Variants in FOXN3 observed in about 807,000 individuals in gnomAD.
FOXN3 encodes forkhead box protein N3.
Under a neutral mutation model 38.4 loss-of-function variants are expected in FOXN3, and 7 were observed. The observed-to-expected ratio is 0.18, with a 90% CI of 0.10 to 0.34. The LOEUF is 0.34. Among genes scored for constraint, FOXN3 ranks in the 10% least tolerant of loss-of-function variants. The pLI, the probability that FOXN3 is intolerant of heterozygous loss-of-function variation, is 1.00. For missense variants in FOXN3, 456 were observed against 613.4 expected, an observed-to-expected ratio of 0.74 and a Z score of 2.71; for synonymous variants, 230 against 242.2, an observed-to-expected ratio of 0.95 and a Z score of 0.47.
In FOXN3 at chr14:89,161,849, T is replaced by C. The variant is rs1408356704; in HGVS notation, c.*565A>G. ...TCGCCGTGTGACAATTCCAGTGGCT[T>C]TCCTGGCACCATCAGATGCCTGGTG... On this transcript the variant is annotated 3_prime_UTR_variant, in exon 6 of 6. Transcript: ENST00000557258. 3.9e-5 allele frequency: 6 copies of C among 152,272 alleles called. No individual in the cohort carries two copies. Among genetic ancestry groups the C allele is most frequent in the African/African-American group, 1.4e-4 (6 of 41,426 alleles). 9.4% of individuals were successfully genotyped at this position (152,272 alleles called of 1,614,324 possible). A position where few individuals can be genotyped will look rare whatever the true frequency, so the allele number is the denominator to read the frequency against.
chr14:89,235,487 T>C (rs1884952432), intron 4 of FOXN3, among the ~76,000 whole-genome samples: 1 of 152,148 alleles, frequency 6.6e-6, no homozygotes, highest in Non-Finnish European at 1.5e-5. Context: ...GCCCAGCAGG[T>C]CTTTGGAACT....
rs35623770 is a variant in FOXN3, at chr14:89,374,263, CAAAAA to C, written c.544-23460_544-23456del. 7.2e-3 allele frequency among the ~76,000 whole-genome samples: 347 copies of C among 48,152 alleles called. 1 individual carries two copies. Among genetic ancestry groups the C allele is most frequent in the African/African-American group, 0.025 (317 of 12,474 alleles). The allele number at this position is 48,152 out of a possible 152,430, so 31.6% of individuals were successfully genotyped here. A position where few individuals can be genotyped will look rare whatever the true frequency, so the allele number is the denominator to read the frequency against. On this transcript the variant is annotated intron_variant, in intron 2 of 5. Transcript: ENST00000557258. ...AGGGCAACAGAGTGAGACCTTGTCT[CAAAAA>C]AAAAAAAAAAAAAAAAAAAAAAGAA... is the stretch of plus-strand genomic sequence containing the variant.
At chr14:89,272,984 T>TGCCC (rs1214325304) in intron 4 of FOXN3, among the ~76,000 whole-genome samples, 2 of 152,274 alleles carry the variant, frequency 1.3e-5, no homozygotes, top group African/African-American at 4.8e-5. Context: ...AGGGGGCTCC[T>TGCCC]GCCCCTTCCT....
chr14:89,541,795 C>T (rs1181568700), intron 1 of FOXN3, among the ~76,000 whole-genome samples: 3 of 152,154 alleles, frequency 2.0e-5, no homozygotes, highest in African/African-American at 4.8e-5. Context: ...GCTCCCTGCT[C>T]TGCCACTCTG....
At chr14:89,166,847 C>G (rs1191022008) in intron 5 of FOXN3, among the ~76,000 whole-genome samples, 1 of 152,192 alleles carries the variant, frequency 6.6e-6, no homozygotes, top group East Asian at 1.9e-4. Context: ...ATGGTGCAAG[C>G]CAGCTGCACT....
At chr14:89,409,866 G>T (rs1036798321) in intron 2 of FOXN3, among the ~76,000 whole-genome samples, 1 of 152,148 alleles carries the variant, frequency 6.6e-6, no homozygotes, top group Non-Finnish European at 1.5e-5. Flanking sequence ...CCTGAGATAC[G>T]GAGGGAAGGA....
chr14:89,225,302 C>G (rs1884600489), intron 4 of FOXN3, among the ~76,000 whole-genome samples: 1 of 151,678 alleles, frequency 6.6e-6, no homozygotes, highest in Non-Finnish European at 1.5e-5. Flanking sequence ...GAGACTGTCT[C>G]TGAAAAATAT....
At chr14:89,502,666 T>C (rs953697557) in intron 1 of FOXN3, among the ~76,000 whole-genome samples, 4 of 152,200 alleles carry the variant, frequency 2.6e-5, no homozygotes, top group African/African-American at 4.8e-5. Flanking sequence ...GATTTGAAGA[T>C]GTACAGTGTA....
chr14:89,297,401 A>G (rs141006441), intron 3 of FOXN3, among the ~76,000 whole-genome samples: 1,941 of 152,120 alleles, frequency 0.013, 43 homozygotes, highest in African/African-American at 0.045. Flanking sequence ...TACTAAAAAT[A>G]CAAAAAAAAT....
intron 1 of FOXN3, among the ~76,000 whole-genome samples, chr14:89,457,398 T>C (rs17125891): frequency 0.017 from 2,600 of 152,248 alleles, 67 homozygotes; most frequent in African/African-American, 0.058. Context: ...GAAAATCCAA[T>C]GAATGCATAG....
At chr14:89,574,331 A>G (rs1406782686) in intron 1 of FOXN3, among the ~76,000 whole-genome samples, 1 of 152,234 alleles carries the variant, frequency 6.6e-6, no homozygotes, top group Admixed American at 6.5e-5. Flanking sequence ...AAACAGAGGC[A>G]TGGTCTAATA....
At chr14:89,584,511 G>T (rs1895807439) in intron 1 of FOXN3, among the ~76,000 whole-genome samples, 1 of 152,108 alleles carries the variant, frequency 6.6e-6, no homozygotes. Flanking sequence ...CAGAGTATGA[G>T]AGTTTCCGTT....
rs1296940927 is a variant in FOXN3 at position 89,286,858 on chromosome 14, G to GA, written c.681-5845dup. Among the ~76,000 whole-genome samples, 9 of 152,234 alleles carry GA rather than the reference G, an allele frequency of 5.9e-5. No homozygotes were observed. In the South Asian group the frequency reaches 1.7e-3, roughly 28 times the overall value. The stretch of plus-strand genomic sequence containing the variant: ...GAGAAGCATCACTAAGAACACAGAT[G>GA]AAAGTTCAGATTCTCGGGGACACTC... On this transcript the variant is annotated intron_variant, in intron 3 of 5. Coordinates refer to ENST00000557258, the MANE Select transcript of FOXN3 (RefSeq NM_005197.4).
chr14:89,250,503 C>T lies in FOXN3; in HGVS notation c.745+30447G>A, dbSNP rs567550460. Among the ~76,000 whole-genome samples the T allele has an allele frequency of 9.3e-4, 141 of 152,306 alleles. 1 individual carries two copies. The highest frequency in any genetic ancestry group is 3.3e-3 in the African/African-American group (136 of 41,568). ...CAATGGAACAATTCTGAGAGAACTG[C>T]AAAAACACCTGTTGGTTATAAAGAA... On this transcript the variant is annotated intron_variant, in intron 4 of 5. Transcript: ENST00000557258.
rs1388920550 is a variant in FOXN3 at position 89,164,243 on chromosome 14, GT to G, written c.852-1275del. ...GGATGAATACTTGCAGGAGAGGAGG[GT>G]CACTTGTAGCTGAAGGGGACGAAGG... On this transcript the variant is annotated intron_variant, in intron 5 of 5. Transcript: ENST00000557258. This position sits in a 1 kb window ranked among gnomAD's most constrained non-coding sequence, Gnocchi z 4.3. Among the ~76,000 whole-genome samples, 1 of 152,170 alleles carries G rather than the reference GT, an allele frequency of 6.6e-6. No homozygotes were observed. Among genetic ancestry groups the G allele is most frequent in the Non-Finnish European group, 1.5e-5 (1 of 68,026 alleles).
rs72703679 is a variant in FOXN3, at chr14:89,494,430, C to T, written c.-14-81940G>A. 4.9e-3 allele frequency among the ~76,000 whole-genome samples: 747 copies of T among 152,254 alleles called. 4 individuals are homozygous for T. The highest frequency in any genetic ancestry group is 6.1e-3 in the Non-Finnish European group (415 of 68,024). The stretch of plus-strand genomic sequence containing the variant: ...GAAAATACGGATGGCTGAAATGAGC[C>T]GTGGTACCAACCTAGCCTGCCGGCT... On this transcript the variant is annotated intron_variant, in intron 1 of 6. Transcript: ENST00000345097.
intron 1 of FOXN3, among the ~76,000 whole-genome samples, chr14:89,518,460 T>C (rs938488989): frequency 6.6e-6 from 1 of 152,180 alleles, no homozygotes; most frequent in African/African-American, 2.4e-5. Context: ...AGATTAACTT[T>C]CTTGGGGATA....
chr14:89,222,787 C>T (rs2139844271), intron 4 of FOXN3, among the ~76,000 whole-genome samples: 1 of 152,246 alleles, frequency 6.6e-6, no homozygotes, highest in East Asian at 1.9e-4. Flanking sequence ...TTCTCTCCTA[C>T]CTCCCTCTAC....
intron 1 of FOXN3, among the ~76,000 whole-genome samples, chr14:89,445,140 T>A (rs867768641): frequency 0.022 from 3,343 of 149,556 alleles, 37 homozygotes; most frequent in Middle Eastern, 0.038. Context: ...ATCTCAAAAA[T>A]AAAATAAAAT....
Sources: allele counts gnomAD v4.1 joint callset (sites outside exome capture counted in the v4.1 genomes callset), GRCh38; gene constraint gnomAD v4.1.1; non-coding constraint Gnocchi (gnomAD v3.1); transcripts MANE v1.5; gene names NCBI Gene and HGNC (gene_info 2026-07-23, HGNC 2026-07-21).